ATP9A: variants seen among roughly 807,000 people sequenced by gnomAD.
ATP9A encodes the protein probable phospholipid-transporting ATPase IIA.
A neutral mutation model predicts 144.1 loss-of-function variants in ATP9A; 52 were observed. The observed-to-expected ratio is 0.36, with a 90% CI of 0.29 to 0.45. The LOEUF is 0.45. ATP9A is among the 20% of genes least tolerant of loss of function. The probability of loss-of-function intolerance (pLI) is 1.00; values close to 1 mark genes in which losing one functional copy is unlikely to be tolerated. For synonymous variants in ATP9A, 582 were observed against 557.4 expected (o/e 1.04, Z -0.62); for missense variants, 947 against 1,392.7 (o/e 0.68, Z 5.09).
At chr20:51,643,077 C>T (rs1182725504) in intron 14 of ATP9A, among the ~76,000 whole-genome samples, 2 of 152,170 alleles carry the variant, frequency 1.3e-5, no homozygotes, top group Non-Finnish European at 2.9e-5. Flanking sequence ...CTACTATGCT[C>T]AGATATCGAG....
rs752037306 is a variant in ATP9A, at chr20:51,639,412, G to C, written c.1599C>G (p.Ile533Met). The C allele has an allele frequency of 1.9e-6, 3 of 1,613,972 alleles. No individual in the cohort carries two copies. In the African/African-American group the frequency reaches 4.0e-5, roughly 22 times the overall value. Residue 533 changes from isoleucine to methionine, a missense_variant, in exon 15 of 28, where the codon ATC becomes ATG. Coordinates refer to ENST00000338821, the MANE Select transcript of ATP9A (RefSeq NM_006045.3). ...SMQLRTPGDQILNFTILQIFP... is the reference protein window; with the variant it reads ...SMQLRTPGDQMLNFTILQIFP... Reference sequence around the variant, plus strand: ...AGATCTGTAGGATGGTGAAGTTCAGGATCTGGTCGCCAGGGGTCCTCAGCT... The same window carrying C: ...AGATCTGTAGGATGGTGAAGTTCAGCATCTGGTCGCCAGGGGTCCTCAGCT...
At chr20:51,697,211 C>T (rs966058182) in intron 5 of ATP9A, among the ~76,000 whole-genome samples, 9 of 152,004 alleles carry the variant, frequency 5.9e-5, no homozygotes, top group African/African-American at 1.4e-4. Context: ...GGCTAACCAA[C>T]GCATATAAAC....
intron 14 of ATP9A, among the ~76,000 whole-genome samples, chr20:51,646,594 G>A (rs918373300): frequency 1.2e-4 from 18 of 152,196 alleles, no homozygotes; most frequent in Non-Finnish European, 2.5e-4. Context: ...CATAGGGCAG[G>A]GCCATGTGGG....
rs748710406 is a variant in ATP9A, at chr20:51,657,016, G to T, written c.1428C>A (p.Asn476Lys). The T allele has an allele frequency of 6.2e-7, 1 of 1,614,080 alleles. No individual in the cohort carries two copies. The highest frequency in any genetic ancestry group is 1.3e-5 in the African/African-American group (1 of 74,940). The part of the protein sequence containing the change: ...CHNVTPVYES[N>K]GVTDQAEAEK... ...CGGCCTCAGCCTGATCAGTCACACC[G>T]TTGGACTCATACACGGGAGTCACGT... The change falls in exon 14 of 28, where the codon AAC (asparagine) becomes AAA (lysine). Residue 476 changes from asparagine (N) to lysine (K), a missense_variant. Asn to Lys is a moderately conservative substitution (Grantham distance 94). This residue lies in a region of ATP9A where 770 missense variants were observed against 1,047.9 expected (regional missense o/e 0.73). Transcript: ENST00000338821.
At chr20:51,680,295 G>A (rs1002975792) in intron 9 of ATP9A, among the ~76,000 whole-genome samples, 2 of 150,836 alleles carry the variant, frequency 1.3e-5, no homozygotes, top group Admixed American at 1.3e-4. Context: ...CATGCACAGA[G>A]GCAGGACCAC....
At chr20:51,741,224 C>A (rs2077784045) in intron 1 of ATP9A, among the ~76,000 whole-genome samples, 1 of 152,096 alleles carries the variant, frequency 6.6e-6, no homozygotes, top group Admixed American at 6.6e-5. Flanking sequence ...TTCAAGACAC[C>A]TCCTTCCACC....
intron 22 of ATP9A, among the ~76,000 whole-genome samples, chr20:51,614,995 T>A (rs996831341): frequency 2.1e-5 from 3 of 143,944 alleles, no homozygotes; most frequent in Non-Finnish European, 4.5e-5. Flanking sequence ...GCATGAATAT[T>A]ATCCAGTACC....
intron 15 of ATP9A, among the ~76,000 whole-genome samples, chr20:51,638,695 T>A (rs1228355269): frequency 2.0e-5 from 3 of 152,064 alleles, no homozygotes; most frequent in Admixed American, 1.3e-4. Flanking sequence ...AAACCCTGTA[T>A]CTATAAAAAA....
chr20:51,664,334 C>A lies in ATP9A; in HGVS notation c.1293+5663G>T, dbSNP rs2077423770. On this transcript the variant is annotated intron_variant, in intron 13 of 27. Transcript: ENST00000338821. ...GGCTGCAGTGGCTCATGCCTGTAAT[C>A]CCAGCACTTTGAGAGGCTGAGGTGG... Among the ~76,000 whole-genome samples the A allele has an allele frequency of 2.0e-5, 3 of 152,130 alleles. 1 individual carries two copies. In the South Asian group the frequency reaches 6.2e-4, roughly 32 times the overall value.
chr20:51,618,409 C>T (rs1033532686), intron 21 of ATP9A, among the ~76,000 whole-genome samples: 2 of 152,034 alleles, frequency 1.3e-5, no homozygotes, highest in African/African-American at 4.8e-5. Context: ...TGGTCTCCAC[C>T]CCCTGGAAGG....
intron 1 of ATP9A, among the ~76,000 whole-genome samples, chr20:51,741,114 A>G (rs1471905304): frequency 7.0e-6 from 1 of 143,796 alleles, no homozygotes; most frequent in Non-Finnish European, 1.6e-5. Context: ...AGTGCTCCAT[A>G]GCTACATGTG....
chr20:51,749,793 C>A (rs748812350), intron 1 of ATP9A, among the ~76,000 whole-genome samples: 2 of 152,044 alleles, frequency 1.3e-5, no homozygotes, highest in Non-Finnish European at 1.5e-5. Context: ...AATGGCTACA[C>A]CTCTGTAGCT....
intron 9 of ATP9A, among the ~76,000 whole-genome samples, chr20:51,680,090 C>T (rs1422762533): frequency 6.6e-6 from 1 of 151,924 alleles, no homozygotes; most frequent in Non-Finnish European, 1.5e-5. Context: ...ATTATACAGG[C>T]GTGGTGATGG....
At chr20:51,758,747 A>G (rs1402562320) in intron 1 of ATP9A, among the ~76,000 whole-genome samples, 1 of 152,158 alleles carries the variant, frequency 6.6e-6, no homozygotes, top group Non-Finnish European at 1.5e-5. Flanking sequence ...GAACATGGTG[A>G]AACCCCGTCT....
At chr20:51,696,435 A>C (rs2077571077) in intron 5 of ATP9A, among the ~76,000 whole-genome samples, 1 of 152,176 alleles carries the variant, frequency 6.6e-6, no homozygotes, top group South Asian at 2.1e-4. Context: ...TACCTCCCAA[A>C]ATCCCAAAAG....
chr20:51,679,724 G>C (rs1370945471), intron 9 of ATP9A, among the ~76,000 whole-genome samples: 1 of 152,152 alleles, frequency 6.6e-6, no homozygotes, highest in African/African-American at 2.4e-5. Flanking sequence ...GGCATTTCAC[G>C]GAGTTCTAAC....
At position 51,611,355 on chromosome 20, in the gene ATP9A, G is replaced by A. The variant is rs1466410329; in HGVS notation, c.2572-1190C>T. Among the ~76,000 whole-genome samples the A allele has an allele frequency of 6.6e-6, 1 of 152,208 alleles. No individual in the cohort carries two copies. The highest frequency in any genetic ancestry group is 1.5e-5 in the Non-Finnish European group (1 of 68,040). ...AGTGACTTTTCACCCAGGCTGTGCC[G>A]CTGCTTAGGAAGGATGGTTGTAAAA... On this transcript the variant is annotated intron_variant, in intron 23 of 27. Transcript: ENST00000338821. The surrounding 1 kb of genome is among the most constrained non-coding windows in gnomAD (Gnocchi z 4.2).
At chr20:51,682,369 G>A (rs568519692) in intron 9 of ATP9A, among the ~76,000 whole-genome samples, 6 of 152,064 alleles carry the variant, frequency 3.9e-5, no homozygotes, top group South Asian at 2.1e-4. Context: ...AATGAAGTAC[G>A]TCCTATTCAC....
In ATP9A at chr20:51,644,004, G is replaced by T. The variant is rs545558364; in HGVS notation, c.1507-4500C>A. Among the ~76,000 whole-genome samples the T allele has an allele frequency of 2.0e-5, 3 of 152,048 alleles. 1 individual carries two copies. The highest frequency in any genetic ancestry group is 2.0e-4 in the Admixed American group (3 of 15,260). ...ACAAAAACTAGCCAGGCATGATGGC[G>T]GGTGCCTGTAATCCCAGCTACTCGG... On this transcript the variant is annotated intron_variant, in intron 14 of 27. Transcript: ENST00000338821.
Sources: gnomAD v4.1 joint callset for allele counts (sites outside exome capture counted in the v4.1 genomes callset) on GRCh38, gnomAD v4.1.1 for gene constraint, gnomAD v4.1.1 regional missense constraint, Gnocchi (gnomAD v3.1) non-coding constraint, MANE v1.5 for transcripts, NCBI Gene and HGNC (gene_info 2026-07-23, HGNC 2026-07-21) for gene names.